SCAMP2: variants seen among roughly 807,000 people sequenced by gnomAD.
SCAMP2 encodes secretory carrier-associated membrane protein 2.
Under a neutral mutation model 44.1 loss-of-function variants are expected in SCAMP2, and 25 were observed. The observed-to-expected ratio is 0.57, with a 90% CI of 0.41 to 0.79. SCAMP2 has a LOEUF of 0.79. SCAMP2 is among the 30% of genes least tolerant of loss of function. The pLI is 0.00. For synonymous variants in SCAMP2, 156 were observed against 166.0 expected, an observed-to-expected ratio of 0.94 and a Z score of 0.46; for missense variants, 355 against 411.0, an observed-to-expected ratio of 0.86 and a Z score of 1.18.
Position 74,844,990 on chromosome 15 carries a change from C to T in SCAMP2, c.*93G>A. ...CGGCAAGAACCCTGCCAGGTCTGTGCTGGGCACAACCACCACCACATAAGG... is the reference window on the plus strand; with the variant it reads ...CGGCAAGAACCCTGCCAGGTCTGTGTTGGGCACAACCACCACCACATAAGG... On this transcript the variant is annotated 3_prime_UTR_variant, in exon 9 of 9. Transcript: ENST00000268099. 4 of 1,432,376 alleles carry T rather than the reference C, an allele frequency of 2.8e-6. No individual in the cohort carries two copies. The highest frequency in any genetic ancestry group is 3.8e-6 in the Non-Finnish European group (4 of 1,042,984). 88.7% of individuals were successfully genotyped at this position (1,432,376 alleles called of 1,614,324 possible).
intron 6 of SCAMP2, 33 bp downstream of exon 6, chr15:74,850,481 T>C: frequency 6.2e-7 from 1 of 1,606,454 alleles, no homozygotes; most frequent in Non-Finnish European, 8.5e-7. Context: ...ATGCCAGCCA[T>C]AAAGTCTCAC....
chr15:74,858,929 C>G (rs1156366556), intron 1 of SCAMP2, among the ~76,000 whole-genome samples: 2 of 151,318 alleles, frequency 1.3e-5, no homozygotes, highest in African/African-American at 4.9e-5. Flanking sequence ...CTGCCTCAGC[C>G]TCCCCAGTAG....
Position 74,873,287 on chromosome 15 carries a change from A to G in SCAMP2, c.-32T>C, listed in dbSNP as rs2064590180. On this transcript the variant is annotated 5_prime_UTR_variant, in exon 1 of 9. Coordinates refer to ENST00000268099, the MANE Select transcript of SCAMP2 (RefSeq NM_005697.5). ...CGGGGGCCAGCGGGCGAACTCCGCG[A>G]ACGCTGCTGCCTCCGGGCACCCAGA... 6.8e-7 allele frequency: 1 copy of G among 1,476,306 alleles called. No individual in the cohort carries two copies. The highest frequency in any genetic ancestry group is 8.9e-7 in the Non-Finnish European group (1 of 1,117,914). 91.5% of individuals were successfully genotyped at this position (1,476,306 alleles called of 1,614,324 possible). A position where few individuals can be genotyped will look rare whatever the true frequency, so the allele number is the denominator to read the frequency against.
intron 3 of SCAMP2, chr15:74,852,423 C>A (rs1315385802): frequency 2.7e-6 from 1 of 375,580 alleles, no homozygotes; most frequent in Non-Finnish European, 4.7e-6. Context: ...GCTGTCCTCT[C>A]CCCTCATCCC....
At chr15:74,853,825 A>C in intron 3 of SCAMP2, 196 bp downstream of exon 3, 4 of 593,366 alleles carry the variant, frequency 6.7e-6, no homozygotes, top group Non-Finnish European at 1.2e-5. Context: ...GGTGGGTGGG[A>C]TGGAGGGAGT....
intron 1 of SCAMP2, among the ~76,000 whole-genome samples, chr15:74,855,701 A>G (rs2064464361): frequency 7.0e-6 from 1 of 142,208 alleles, no homozygotes; most frequent in Admixed American, 7.2e-5. Context: ...GGGCAACAAG[A>G]GCAAAACTCC....
chr15:74,850,526 T>C lies in SCAMP2; in HGVS notation c.620A>G (p.Tyr207Cys). 2 of 1,613,904 alleles carry C rather than the reference T, an allele frequency of 1.2e-6. No homozygotes were observed. The highest frequency in any genetic ancestry group is 2.2e-5 in the South Asian group (2 of 91,068). ...CGGCCTCACTCACCTAAAGGCCTTATAGATGGGTCGGTACCAACAAAGGAA... is the reference window on the plus strand; with the variant it reads ...CGGCCTCACTCACCTAAAGGCCTTACAGATGGGTCGGTACCAACAAAGGAA... The part of the protein sequence containing the change: ...CAFLCWYRPI[Y>C]KAFRSDNSFS... The change falls in exon 6 of 9, where the codon TAT (tyrosine) becomes TGT (cysteine). Residue 207 changes from tyrosine to cysteine, a missense_variant. Tyr to Cys is a radical substitution (Grantham distance 194, BLOSUM62 -2). Coordinates refer to ENST00000268099, the MANE Select transcript of SCAMP2 (RefSeq NM_005697.5).
In SCAMP2 at chr15:74,845,074, A is replaced by C. The variant is rs543149042; in HGVS notation, c.*9T>G. On this transcript the variant is annotated 3_prime_UTR_variant, in exon 9 of 9. Coordinates refer to ENST00000268099, the MANE Select transcript of SCAMP2 (RefSeq NM_005697.5). ...AGAGAAAGGCTGAGGGGGAGAGAAG[A>C]GAGGAGGACTAATTCCCCTGGAAGG... The C allele has an allele frequency of 6.2e-7, 1 of 1,611,136 alleles. No individual in the cohort carries two copies. The highest frequency in any genetic ancestry group is 1.7e-5 in the Admixed American group (1 of 59,826).
intron 1 of SCAMP2, among the ~76,000 whole-genome samples, chr15:74,867,627 G>A (rs1456990432): frequency 1.3e-5 from 2 of 152,216 alleles, no homozygotes; most frequent in African/African-American, 2.4e-5. Flanking sequence ...CTCTGGGAAG[G>A]TCCCACTGTC....
intron 1 of SCAMP2, among the ~76,000 whole-genome samples, chr15:74,863,892 G>A (rs1043510452): frequency 1.1e-4 from 17 of 152,182 alleles, no homozygotes; most frequent in African/African-American, 4.1e-4. Context: ...GAGACACAGT[G>A]TGATCATAGA....
intron 7 of SCAMP2, among the ~76,000 whole-genome samples, chr15:74,846,506 G>A (rs1030773471): frequency 1.8e-4 from 27 of 151,454 alleles, no homozygotes; most frequent in Non-Finnish European, 3.7e-4. Context: ...GCTCAAGCCC[G>A]TAATCCCAAC....
At chr15:74,873,023 T>G (rs1041985366) in intron 1 of SCAMP2, 176 bp downstream of exon 1, 1 of 546,270 alleles carries the variant, frequency 1.8e-6, no homozygotes, top group African/African-American at 2.0e-5. Flanking sequence ...CAGTTCCACC[T>G]GCTGCTAGTC....
At position 74,855,172 on chromosome 15, in the gene SCAMP2, T is replaced by C. The variant is rs1368861144; in HGVS notation, c.58-523A>G. ...AGGCTGGAGTGCAGTGGCGCAATCT[T>C]GGCTCACTGCAACCTTCGCCTCCTG... On this transcript the variant is annotated intron_variant, in intron 1 of 8. Transcript: ENST00000268099. Among the ~76,000 whole-genome samples the C allele has an allele frequency of 1.4e-4, 21 of 152,146 alleles. 1 individual carries two copies. Among genetic ancestry groups the C allele is most frequent in the Admixed American group, 1.3e-3 (20 of 15,270 alleles).
At chr15:74,865,870 GAGCCT>G (rs1277730756) in intron 1 of SCAMP2, among the ~76,000 whole-genome samples, 2 of 149,238 alleles carry the variant, frequency 1.3e-5, no homozygotes, top group African/African-American at 4.9e-5. Flanking sequence ...AGGATTTCTG[GAGCCT>G]AGGAGATTGA....
intron 6 of SCAMP2, among the ~76,000 whole-genome samples, chr15:74,849,120 A>C (rs1267515062): frequency 6.6e-6 from 1 of 152,170 alleles, no homozygotes; most frequent in Non-Finnish European, 1.5e-5. Context: ...GCGTTTCATA[A>C]CAGGCAAGAA....
Position 74,845,026 on chromosome 15 carries a change from A to G in SCAMP2, c.*57T>C, listed in dbSNP as rs1309575481. On this transcript the variant is annotated 3_prime_UTR_variant, in exon 9 of 9. Coordinates refer to ENST00000268099, the MANE Select transcript of SCAMP2 (RefSeq NM_005697.5). Reference sequence around the variant, plus strand: ...CACCACCACATAAGGCACCCACGGAAAGTGCAGCTCAGAAGGCAGGCGAGA... The same window carrying G: ...CACCACCACATAAGGCACCCACGGAGAGTGCAGCTCAGAAGGCAGGCGAGA... 17 of 1,573,552 alleles carry G rather than the reference A, an allele frequency of 1.1e-5. No individual in the cohort carries two copies. The highest frequency in any genetic ancestry group is 1.4e-5 in the Non-Finnish European group (16 of 1,154,090).
At chr15:74,849,010 C>T (rs1203273906) in intron 6 of SCAMP2, among the ~76,000 whole-genome samples, 4 of 152,052 alleles carry the variant, frequency 2.6e-5, no homozygotes, top group Admixed American at 6.6e-5. Context: ...GCCAAGATCA[C>T]GCCACTGCAC....
chr15:74,845,536 G>A lies in SCAMP2; in HGVS notation c.792C>T (p.Ile264=), dbSNP rs2064393518. The change falls in exon 8 of 9, where the codon ATC becomes ATT. Residue 264 remains isoleucine (I), a synonymous_variant. Transcript: ENST00000268099. ...TGAAGAAGCCAGCCACCACCATCAT[G>A]ATGACTGATATGGCCAGGGAATGAT... The part of the protein sequence containing the change: ...LDNHSLAISV[I]MMVVAGFFTL... 3.1e-6 allele frequency: 5 copies of A among 1,614,182 alleles called. No homozygotes were observed. The highest frequency in any genetic ancestry group is 2.5e-6 in the Non-Finnish European group (3 of 1,180,028).
intron 6 of SCAMP2, among the ~76,000 whole-genome samples, chr15:74,849,471 C>T (rs1056785728): frequency 8.0e-5 from 12 of 150,778 alleles, no homozygotes; most frequent in African/African-American, 2.7e-4. Context: ...AGGCTGGGCA[C>T]GGTGGTTCAC....
Sources: gnomAD v4.1 joint callset for allele counts (sites outside exome capture counted in the v4.1 genomes callset) on GRCh38, gnomAD v4.1.1 for gene constraint, MANE v1.5 for transcripts, NCBI Gene and HGNC (gene_info 2026-07-23, HGNC 2026-07-21) for gene names.